The following SPACA6 variants were observed in gnomAD, a reference collection of about 807,000 sequenced individuals.
SPACA6 encodes sperm acrosome associated 6, also known as sperm acrosome membrane-associated protein 6.
For missense variants in SPACA6, 8 were observed against 2.8 expected, an observed-to-expected ratio of 2.88 and a Z score of -1.34; for synonymous variants, 6 against 1.5, an observed-to-expected ratio of 4.05 and a Z score of -2.21.
chr19:51,686,806 T>C (rs1013040137), upstream of SPACA6: 1 of 152,218 alleles, frequency 6.6e-6, no homozygotes, highest in Non-Finnish European at 1.5e-5. Context: ...TAATCAATGA[T>C]ATAATGTATA....
chr19:51,712,583 A>G (rs1352187772), downstream of SPACA6, among the ~76,000 whole-genome samples: 1 of 152,180 alleles, frequency 6.6e-6, no homozygotes, highest in Non-Finnish European at 1.5e-5. Context: ...CAAAGAGGAC[A>G]TAGGGTCTGG....
downstream of SPACA6, among the ~76,000 whole-genome samples, chr19:51,709,419 A>C (rs2083531328): frequency 6.7e-6 from 1 of 149,718 alleles, no homozygotes; most frequent in Non-Finnish European, 1.5e-5. Context: ...TTGGAGGTTG[A>C]GGCAGGAGAA....
At position 51,704,301 on chromosome 19, in the gene SPACA6, G is replaced by A; in HGVS notation, c.762G>A (p.Glu254=). Residue 254 remains glutamate (E), a synonymous_variant, in exon 8 of 9, where the codon GAG becomes GAA. Coordinates refer to ENST00000637797, the MANE Select transcript of SPACA6 (RefSeq NM_001316972.2). ...VTGPPPRAET[E]LQASFREVLR... is the part of the protein sequence containing the mutation. ...GCCCGCCCCCGCGGGCGGAGACAGA[G>A]TTGCAGGCCTCGTTCCGGGAAGTGC... The A allele has an allele frequency of 2.5e-6, 1 of 400,828 alleles. No individual in the cohort carries two copies. The highest frequency in any genetic ancestry group is 4.4e-6 in the Non-Finnish European group (1 of 226,052). 24.8% of individuals were successfully genotyped at this position (400,828 alleles called of 1,614,324 possible).
rs1045767273 is a variant in SPACA6, at chr19:51,704,451, C to T, written c.912C>T (p.Leu304=). 1 of 401,090 alleles carries T rather than the reference C, an allele frequency of 2.5e-6. No individual in the cohort carries two copies. The highest frequency in any genetic ancestry group is 4.4e-6 in the Non-Finnish European group (1 of 226,246). 24.8% of individuals were successfully genotyped at this position (401,090 alleles called of 1,614,324 possible). A position where few individuals can be genotyped will look rare whatever the true frequency, so the allele number is the denominator to read the frequency against. Residue 304 remains leucine, a synonymous_variant, in exon 8 of 9, where the codon CTC becomes CTT. Coordinates refer to ENST00000637797, the MANE Select transcript of SPACA6 (RefSeq NM_001316972.2). The part of the protein sequence containing the change: ...NLFLLAVLGA[L]ASASATVLAW... ...TCCTGCTTGCAGTCCTCGGGGCCCT[C>T]GCATCAGCGAGTGCGACAGTGTTGG...
chr19:51,702,658 G>A lies in SPACA6; in HGVS notation c.385+6G>A. The A allele has an allele frequency of 7.5e-6, 3 of 399,182 alleles. No individual in the cohort carries two copies. Among genetic ancestry groups the A allele is most frequent in the Non-Finnish European group, 1.3e-5 (3 of 226,178 alleles). The allele number at this position is 399,182 out of a possible 1,614,324, so 24.7% of individuals were successfully genotyped here. The stretch of plus-strand genomic sequence containing the variant: ...GGCTTGCATCCCTCCCTGCGGTAAG[G>A]ACTTCATCTAAAACTTGGAAATTGC... On this transcript the variant is annotated splice_donor_region_variant and intron_variant, in intron 4 of 8. Coordinates refer to ENST00000637797, the MANE Select transcript of SPACA6 (RefSeq NM_001316972.2).
upstream of SPACA6, among the ~76,000 whole-genome samples, chr19:51,688,954 G>GAGGGAGAA (rs2083344426): frequency 6.6e-6 from 1 of 151,046 alleles, no homozygotes; most frequent in African/African-American, 2.4e-5. Flanking sequence ...GAGAGGGAGA[G>GAGGGAGAA]AGAGAGCGAG....
Position 51,703,916 on chromosome 19 carries a change from G to A in SPACA6, c.574-114G>A, listed in dbSNP as rs997194625. On this transcript the variant is annotated intron_variant, in intron 6 of 8. Coordinates refer to ENST00000637797, the MANE Select transcript of SPACA6 (RefSeq NM_001316972.2). This position sits in a 1 kb window ranked among gnomAD's most constrained non-coding sequence, Gnocchi z 4.2. ...GGGGAGCGAGAAGGCTCGGGGGCGG[G>A]CTCAAGGCTCAGGGCCAGGACTCCA... 6 of 395,672 alleles carry A rather than the reference G, an allele frequency of 1.5e-5. No homozygotes were observed. Among genetic ancestry groups the A allele is most frequent in the African/African-American group, 1.2e-4 (6 of 48,434 alleles). The allele number at this position is 395,672 out of a possible 1,614,324, so 24.5% of individuals were successfully genotyped here. A position where few individuals can be genotyped will look rare whatever the true frequency, so the allele number is the denominator to read the frequency against.
upstream of SPACA6, chr19:51,687,488 TA>T (rs11415588): frequency 0.011 from 1,543 of 135,406 alleles, 82 homozygotes; most frequent in East Asian, 0.18. Flanking sequence ...GGATATCATG[TA>T]AAAAAAAAAA....
chr19:51,701,618 G>A, intron 2 of SPACA6, 40 bp from the exon 3 acceptor site: 1 of 398,576 alleles, frequency 2.5e-6, no homozygotes, highest in African/African-American at 2.1e-5. Flanking sequence ...CCTGGGGGAA[G>A]GGCTTTACTA....
chr19:51,701,516 G>A, intron 2 of SPACA6, 142 bp from the exon 3 acceptor site: 1 of 385,514 alleles, frequency 2.6e-6, no homozygotes, highest in Middle Eastern at 6.6e-4. Flanking sequence ...GAGGGGCCAG[G>A]GAAGGGCAGA....
rs2083469939 is a variant in SPACA6, at chr19:51,701,743, C to A, written c.361+17C>A. 2.3e-5 allele frequency: 9 copies of A among 398,490 alleles called. No individual in the cohort carries two copies. The East Asian group carries it at 3.2e-4, about 14-fold the overall frequency. The allele number at this position is 398,490 out of a possible 1,614,324, so 24.7% of individuals were successfully genotyped here. ...TTAAAGAAGGTAAAATACACTCCAT[C>A]TCTCCTTCCCCAGACACACACACAC... On this transcript the variant is annotated intron_variant, in intron 3 of 8. Coordinates refer to ENST00000637797, the MANE Select transcript of SPACA6 (RefSeq NM_001316972.2).
At chr19:51,683,761 C>T in the SPACA6 span, among the ~76,000 whole-genome samples, 1 of 152,176 alleles carries the variant, frequency 6.6e-6, no homozygotes, top group Non-Finnish European at 1.5e-5. Context: ...ATCCTTATGT[C>T]TCAACCCATG....
Position 51,703,111 on chromosome 19 carries a change from G to A in SPACA6, c.463+13G>A. On this transcript the variant is annotated intron_variant, in intron 5 of 8. Coordinates refer to ENST00000637797, the MANE Select transcript of SPACA6 (RefSeq NM_001316972.2). This position sits in a 1 kb window ranked among gnomAD's most constrained non-coding sequence, Gnocchi z 4.2. ...CTGGACTGCCCAGGTGAGGGGGCGG[G>A]GCCTCGGGGTGCAGGAGGCCAACCT... The A allele has an allele frequency of 2.5e-6, 1 of 399,588 alleles. No homozygotes were observed. 24.8% of individuals were successfully genotyped at this position (399,588 alleles called of 1,614,324 possible).
At chr19:51,686,532 G>A (rs1277047411), upstream of SPACA6, 1 of 152,140 alleles carries the variant, frequency 6.6e-6, no homozygotes, top group Non-Finnish European at 1.5e-5. Context: ...GAAAGTGAGG[G>A]GTCTGACAAA....
downstream of SPACA6, among the ~76,000 whole-genome samples, chr19:51,707,311 C>T (rs1305641890): frequency 2.0e-5 from 3 of 151,122 alleles, no homozygotes; most frequent in African/African-American, 7.3e-5. Context: ...GCCTTTGCCT[C>T]CTGGGTTCAA....
chr19:51,703,881 G>C lies in SPACA6; in HGVS notation c.574-149G>C. The C allele has an allele frequency of 2.5e-6, 1 of 396,804 alleles. No individual in the cohort carries two copies. Among genetic ancestry groups the C allele is most frequent in the East Asian group, 3.6e-5 (1 of 27,950 alleles). 24.6% of individuals were successfully genotyped at this position (396,804 alleles called of 1,614,324 possible). A position where few individuals can be genotyped will look rare whatever the true frequency, so the allele number is the denominator to read the frequency against. ...TTTAAGGAGTGAGGGGAAGGGGTGC[G>C]TTTAGGGCAGGGGAGCGAGAAGGCT... On this transcript the variant is annotated intron_variant, in intron 6 of 8. Coordinates refer to ENST00000637797, the MANE Select transcript of SPACA6 (RefSeq NM_001316972.2). This position sits in a 1 kb window ranked among gnomAD's most constrained non-coding sequence, Gnocchi z 4.2.
At chr19:51,685,178 A>G (rs16982927), upstream of SPACA6, among the ~76,000 whole-genome samples, 21,800 of 152,030 alleles carry the variant, frequency 0.14, 1,774 homozygotes, top group African/African-American at 0.22. Flanking sequence ...GGAAGTTTCT[A>G]TTTTCCTTTG....
downstream of SPACA6, among the ~76,000 whole-genome samples, chr19:51,705,721 C>T (rs1000035470): frequency 3.4e-5 from 5 of 147,782 alleles, no homozygotes; most frequent in Middle Eastern, 3.4e-3. Context: ...TTTGGAGGCA[C>T]CATCTCACTC....
intron 3 of SPACA6, chr19:51,702,401 G>A: frequency 2.6e-6 from 1 of 379,540 alleles, no homozygotes; most frequent in Non-Finnish European, 4.7e-6. Flanking sequence ...TAAACCCCAA[G>A]TAGAAGGCTG....
Sources: gnomAD v4.1 joint callset for allele counts (sites outside exome capture counted in the v4.1 genomes callset) on GRCh38, gnomAD v4.1.1 for gene constraint, Gnocchi (gnomAD v3.1) non-coding constraint, MANE v1.5 for transcripts, NCBI Gene and HGNC (gene_info 2026-07-23, HGNC 2026-07-21) for gene names.